WFDC9: variants seen among roughly 807,000 people sequenced by gnomAD.
WFDC9 encodes WAP four-disulfide core domain 9.
WFDC9 carries 9 observed loss-of-function variants against 9.5 expected under a neutral mutation model. The ratio of observed to expected loss-of-function variants is 0.95; its 90% CI spans 0.57 to 1.65. WFDC9 has a LOEUF of 1.65. WFDC9 is among the 40% of genes most tolerant of loss of function. The pLI is 0.00. For missense variants in WFDC9, 87 were observed against 106.7 expected (o/e 0.82, Z 0.81); for synonymous variants, 33 against 32.3 (o/e 1.02, Z -0.07).
rs993596611 is a variant in WFDC9 at position 45,608,904 on chromosome 20, A to C, written c.92-94T>G. 20 of 1,339,336 alleles carry C rather than the reference A, an allele frequency of 1.5e-5. No individual in the cohort carries two copies. The African/African-American group carries it at 2.5e-4, about 17-fold the overall frequency. The allele number at this position is 1,339,336 out of a possible 1,614,324, so 83.0% of individuals were successfully genotyped here. ...CAATCCCTTCTGAAACTTGAGCTCC[A>C]AGCCACAAAGTATTTCTCTGCCTTC... On this transcript the variant is annotated intron_variant, in intron 3 of 4. Coordinates refer to ENST00000326000, the MANE Select transcript of WFDC9 (RefSeq NM_147198.4).
chr20:45,627,499 TG>T (rs1471593497), intron 1 of WFDC9, among the ~76,000 whole-genome samples: 21 of 151,926 alleles, frequency 1.4e-4, no homozygotes, highest in Non-Finnish European at 7.4e-5. Flanking sequence ...TCTCCTTACT[TG>T]TTATTCGTCT....
intron 1 of WFDC9, among the ~76,000 whole-genome samples, chr20:45,625,142 C>G (rs777399135): frequency 6.6e-6 from 1 of 152,040 alleles, no homozygotes; most frequent in Non-Finnish European, 1.5e-5. Context: ...TGTCAGAAGG[C>G]GAAGGGGAAG....
At chr20:45,623,595 C>T (rs760906430) in intron 1 of WFDC9, among the ~76,000 whole-genome samples, 1 of 151,690 alleles carries the variant, frequency 6.6e-6, no homozygotes, top group African/African-American at 2.4e-5. Context: ...CCACTTCACT[C>T]CAGCCTGGGC....
rs551388115 is a variant in WFDC9 at position 45,621,808 on chromosome 20, C to G, written c.-152-7087G>C. Among the ~76,000 whole-genome samples, 59 of 152,262 alleles carry G rather than the reference C, an allele frequency of 3.9e-4. 1 individual carries two copies. Among genetic ancestry groups the G allele is most frequent in the Admixed American group, 3.5e-3 (54 of 15,288 alleles). ...TTGGGAAAAGACACTTGGAAGCATG[C>G]ACCTGATTTCTTCTGGACTTTGCCC... is the stretch of plus-strand genomic sequence containing the variant. On this transcript the variant is annotated intron_variant, in intron 1 of 4. Transcript: ENST00000326000.
chr20:45,624,254 T>G (rs548438989), intron 1 of WFDC9, among the ~76,000 whole-genome samples: 2 of 152,288 alleles, frequency 1.3e-5, no homozygotes, highest in South Asian at 4.1e-4. Context: ...TTCTAGTACC[T>G]GCTGTTCTAC....
At chr20:45,618,923 A>C (rs1205331893) in intron 1 of WFDC9, among the ~76,000 whole-genome samples, 1 of 152,230 alleles carries the variant, frequency 6.6e-6, no homozygotes, top group South Asian at 2.1e-4. Context: ...TGCAACATCC[A>C]TAAAGCAAAA....
intron 1 of WFDC9, among the ~76,000 whole-genome samples, chr20:45,627,360 G>A (rs79471355): frequency 1.2e-3 from 167 of 142,724 alleles, no homozygotes; most frequent in Non-Finnish European, 1.6e-3. Context: ...AATTCCTGCC[G>A]CATCAATTTT....
intron 2 of WFDC9, among the ~76,000 whole-genome samples, chr20:45,610,765 G>A (rs1981843115): frequency 6.6e-6 from 1 of 152,196 alleles, no homozygotes; most frequent in South Asian, 2.1e-4. Context: ...ACTGTTAGGG[G>A]ACTCAAAACT....
At chr20:45,631,113 A>G (rs922460675) in intron 1 of WFDC9, 90 bp downstream of exon 1, 2 of 1,397,990 alleles carry the variant, frequency 1.4e-6, no homozygotes, top group Non-Finnish European at 1.9e-6. Flanking sequence ...AGTCACCAGC[A>G]TAAGAACATC....
chr20:45,631,090 C>G (rs1982359073), intron 1 of WFDC9, 113 bp downstream of exon 1: 1 of 1,463,038 alleles, frequency 6.8e-7, no homozygotes, highest in Non-Finnish European at 9.1e-7. Flanking sequence ...ACATCCGAAG[C>G]ACAAGGACCT....
intron 1 of WFDC9, among the ~76,000 whole-genome samples, chr20:45,628,594 C>T (rs1316977613): frequency 6.6e-6 from 1 of 152,072 alleles, no homozygotes; most frequent in Non-Finnish European, 1.5e-5. Flanking sequence ...AAAGAGAGAG[C>T]CTTTGGGAAG....
At chr20:45,622,353 C>T (rs761431563) in intron 1 of WFDC9, among the ~76,000 whole-genome samples, 2 of 152,138 alleles carry the variant, frequency 1.3e-5, no homozygotes, top group East Asian at 3.9e-4. Context: ...AGTTTTCTTT[C>T]TCTATTCTTT....
chr20:45,625,804 A>ATTTTTTTTTTTTTT (rs1303424661), intron 1 of WFDC9, among the ~76,000 whole-genome samples: 6 of 42,952 alleles, frequency 1.4e-4, no homozygotes, highest in Non-Finnish European at 2.6e-4. Context: ...TAGGTTCTCT[A>ATTTTTTTTTTTTTT]TTCTTTTTTT....
chr20:45,609,582 CA>C (rs959525686), intron 3 of WFDC9, among the ~76,000 whole-genome samples: 16 of 152,264 alleles, frequency 1.1e-4, no homozygotes, highest in Non-Finnish European at 2.1e-4. Flanking sequence ...CCCTGGCCCA[CA>C]ACCCTCCTGC....
rs535936526 is a variant in WFDC9 at position 45,619,842 on chromosome 20, T to C, written c.-152-5121A>G. 3.9e-5 allele frequency among the ~76,000 whole-genome samples: 6 copies of C among 152,194 alleles called. 1 individual carries two copies. Among genetic ancestry groups the C allele is most frequent in the African/African-American group, 1.2e-4 (5 of 41,514 alleles). ...GAGTTTGAGAACAGCCTGACCAACA[T>C]GGTGAAACCTCGTCTCTACCAAAAA... On this transcript the variant is annotated intron_variant, in intron 1 of 4. Coordinates refer to ENST00000326000, the MANE Select transcript of WFDC9 (RefSeq NM_147198.4).
At chr20:45,616,819 C>T (rs1401233048) in intron 1 of WFDC9, among the ~76,000 whole-genome samples, 4 of 152,176 alleles carry the variant, frequency 2.6e-5, no homozygotes, top group Non-Finnish European at 5.9e-5. Context: ...GTATACCATG[C>T]TGTCACACAG....
At position 45,608,535 on chromosome 20, in the gene WFDC9, G is replaced by A. The variant is rs1263959171; in HGVS notation, c.239+128C>T. 3.4e-6 allele frequency: 4 copies of A among 1,163,750 alleles called. No homozygotes were observed. In the African/African-American group the frequency reaches 6.1e-5, roughly 18 times the overall value. The allele number at this position is 1,163,750 out of a possible 1,614,324, so 72.1% of individuals were successfully genotyped here. On this transcript the variant is annotated intron_variant, in intron 4 of 4. Transcript: ENST00000326000. ...GAGGAGCAGCCTAGGTTTGGAGATA[G>A]GAGGACATTGTCTTTTGCTGCCTAT... is the stretch of plus-strand genomic sequence containing the variant.
chr20:45,625,242 G>A lies in WFDC9; in HGVS notation c.-153+5961C>T, dbSNP rs772466561. Among the ~76,000 whole-genome samples the A allele has an allele frequency of 3.3e-5, 5 of 152,110 alleles. No homozygotes were observed. In the East Asian group the frequency reaches 5.8e-4, roughly 18 times the overall value. On this transcript the variant is annotated intron_variant, in intron 1 of 4. Coordinates refer to ENST00000326000, the MANE Select transcript of WFDC9 (RefSeq NM_147198.4). ...AATCATATCTCATGACAACTCCCTCGCTATCATAAGAACAGCATGGGGGAA... is the reference window on the plus strand; with the variant it reads ...AATCATATCTCATGACAACTCCCTCACTATCATAAGAACAGCATGGGGGAA...
At chr20:45,623,258 G>C (rs774813232) in intron 1 of WFDC9, among the ~76,000 whole-genome samples, 2 of 152,158 alleles carry the variant, frequency 1.3e-5, no homozygotes, top group Non-Finnish European at 2.9e-5. Context: ...TCTGGATGTT[G>C]TTGCATCTTT....
Sources: gnomAD v4.1 joint callset for allele counts (sites outside exome capture counted in the v4.1 genomes callset) on GRCh38, gnomAD v4.1.1 for gene constraint, MANE v1.5 for transcripts, NCBI Gene and HGNC (gene_info 2026-07-23, HGNC 2026-07-21) for gene names.